PAK1: variants seen among roughly 807,000 people sequenced by gnomAD.
PAK1 encodes the protein serine/threonine-protein kinase PAK 1.
Under a neutral mutation model 67.4 loss-of-function variants are expected in PAK1, and 29 were observed. The ratio of observed to expected loss-of-function variants is 0.43; its 90% CI spans 0.32 to 0.59. The LOEUF (loss-of-function observed/expected upper bound fraction) is 0.59, where lower values mean the gene tolerates loss of function less well. Ranked by LOEUF, PAK1 falls within the 20% of genes least tolerant of loss-of-function variation. The pLI is 0.07. For missense variants in PAK1, 337 were observed against 670.7 expected (o/e 0.50, Z 5.50); for synonymous variants, 223 against 237.4 (o/e 0.94, Z 0.56).
intron 1 of PAK1, among the ~76,000 whole-genome samples, chr11:77,418,575 A>G (rs1041897204): frequency 1.3e-5 from 2 of 152,236 alleles, no homozygotes; most frequent in South Asian, 2.1e-4. Context: ...CAGTCTGCCC[A>G]TATGTTGCCA....
intron 2 of PAK1, among the ~76,000 whole-genome samples, chr11:77,381,146 T>C (rs1374954006): frequency 5.1e-5 from 7 of 136,534 alleles, no homozygotes; most frequent in Non-Finnish European, 9.6e-5. Flanking sequence ...AGAGTGTGTG[T>C]GTGTGTGTGT....
At chr11:77,413,713 AAAGG>A (rs535630670) in intron 1 of PAK1, among the ~76,000 whole-genome samples, 77 of 152,136 alleles carry the variant, frequency 5.1e-4, no homozygotes, top group Non-Finnish European at 7.8e-4. Flanking sequence ...AAAGGAAAGA[AAAGG>A]AAGGAAGGAA....
chr11:77,444,304 A>G (rs1956496442), intron 1 of PAK1, among the ~76,000 whole-genome samples: 1 of 151,460 alleles, frequency 6.6e-6, no homozygotes, highest in East Asian at 1.9e-4. Flanking sequence ...AAAAAAAAAA[A>G]ACCCGACGCC....
At chr11:77,366,366 A>G (rs1439243625) in intron 5 of PAK1, among the ~76,000 whole-genome samples, 1 of 152,246 alleles carries the variant, frequency 6.6e-6, no homozygotes, top group East Asian at 1.9e-4. Context: ...TAAAAAACAT[A>G]ATTGTATAAA....
chr11:77,372,539 T>C (rs748294511), intron 5 of PAK1, among the ~76,000 whole-genome samples: 1 of 152,206 alleles, frequency 6.6e-6, no homozygotes, highest in Non-Finnish European at 1.5e-5. Context: ...CAGTCCCCAC[T>C]GGTGGAAGCA....
intron 2 of PAK1, among the ~76,000 whole-genome samples, chr11:77,387,339 C>T (rs1386954764): frequency 6.6e-6 from 1 of 152,334 alleles, no homozygotes; most frequent in East Asian, 1.9e-4. Flanking sequence ...TCCCAAACTT[C>T]TGGGGTTACA....
intron 4 of PAK1, among the ~76,000 whole-genome samples, chr11:77,375,920 C>T (rs1291760676): frequency 2.0e-5 from 3 of 152,180 alleles, no homozygotes; most frequent in African/African-American, 7.2e-5. Flanking sequence ...TTCTTTGACA[C>T]TACAGCAAAT....
intron 1 of PAK1, among the ~76,000 whole-genome samples, chr11:77,467,065 AC>A (rs1957631670): frequency 6.6e-6 from 1 of 152,188 alleles, no homozygotes; most frequent in Admixed American, 6.5e-5. Flanking sequence ...TTCTAAGCAT[AC>A]TAAACTACAC....
At chr11:77,422,057 C>G (rs992164835) in intron 1 of PAK1, among the ~76,000 whole-genome samples, 1 of 152,088 alleles carries the variant, frequency 6.6e-6, no homozygotes, top group African/African-American at 2.4e-5. Context: ...TAAATATGGC[C>G]CTCAGAGAAG....
At chr11:77,444,745 A>C (rs1344296067) in intron 1 of PAK1, among the ~76,000 whole-genome samples, 2 of 152,224 alleles carry the variant, frequency 1.3e-5, no homozygotes, top group South Asian at 2.1e-4. Flanking sequence ...AAAACAACTA[A>C]GTAAAAAAAC....
At position 77,322,268 on chromosome 11, in the gene PAK1, C is replaced by G; in HGVS notation, c.*1006G>C. ...TCTTAAAAACGGGGTCCCCTCACAG[C>G]TGGCAGGGTATCATGTCAGGCCACC... On this transcript the variant is annotated 3_prime_UTR_variant, in exon 15 of 15. Transcript: ENST00000356341. 1 of 196,780 alleles carries G rather than the reference C, an allele frequency of 5.1e-6. No individual in the cohort carries two copies. The allele number at this position is 196,780 out of a possible 1,614,324, so 12.2% of individuals were successfully genotyped here. A position where few individuals can be genotyped will look rare whatever the true frequency, so the allele number is the denominator to read the frequency against.
chr11:77,325,465 T>A (rs1939578764), intron 14 of PAK1: 3 of 1,330,170 alleles, frequency 2.3e-6, no homozygotes, highest in African/African-American at 2.9e-5. Flanking sequence ...TATAAAGTGT[T>A]TAGTGCCTAA....
intron 9 of PAK1, chr11:77,346,989 G>A (rs891011831): frequency 2.0e-5 from 9 of 455,912 alleles, no homozygotes; most frequent in Non-Finnish European, 3.5e-5. Context: ...TGAGACACTA[G>A]GTCTGCCCTT....
intron 1 of PAK1, among the ~76,000 whole-genome samples, chr11:77,440,271 G>A (rs926321881): frequency 3.3e-5 from 5 of 152,044 alleles, no homozygotes; most frequent in African/African-American, 1.2e-4. Flanking sequence ...GCAGGGCCTC[G>A]CATCTATAAT....
rs543542173 is a variant in PAK1 at position 77,415,736 on chromosome 11, T to C, written c.-21-23195A>G. ...GTGAATGGAAAGGCCTAGGATAGTA[T>C]TGTACACTACTGTAGACTTTATAAA... On this transcript the variant is annotated intron_variant, in intron 1 of 14. Coordinates refer to ENST00000356341, the MANE Select transcript of PAK1 (RefSeq NM_002576.5). 1.4e-4 allele frequency among the ~76,000 whole-genome samples: 21 copies of C among 152,258 alleles called. 1 individual carries two copies. The South Asian group carries it at 3.9e-3, about 29-fold the overall frequency.
the PAK1 span, among the ~76,000 whole-genome samples, chr11:77,526,735 G>A: frequency 6.6e-6 from 1 of 152,134 alleles, no homozygotes; most frequent in Non-Finnish European, 1.5e-5. Context: ...GACCAACATG[G>A]TGAAACCCGG....
At chr11:77,377,921 C>T (rs953109885) in intron 4 of PAK1, among the ~76,000 whole-genome samples, 4 of 152,158 alleles carry the variant, frequency 2.6e-5, no homozygotes, top group South Asian at 2.1e-4. Context: ...ACAGACTCAG[C>T]GGGGCCAGAC....
chr11:77,485,099 A>G, the PAK1 span, among the ~76,000 whole-genome samples: 1 of 152,094 alleles, frequency 6.6e-6, no homozygotes, highest in African/African-American at 2.4e-5. Flanking sequence ...TTCCCACATC[A>G]CTTGGGAATT....
chr11:77,343,793 C>T (rs1344480657), intron 10 of PAK1, 26 bp downstream of exon 10: 1 of 1,392,558 alleles, frequency 7.2e-7, no homozygotes, highest in Non-Finnish European at 1.0e-6. Flanking sequence ...GGCCCTTTCC[C>T]TCTGATGGGA....
Sources: gnomAD v4.1 joint callset for allele counts (sites outside exome capture counted in the v4.1 genomes callset) on GRCh38, gnomAD v4.1.1 for gene constraint, MANE v1.5 for transcripts, NCBI Gene and HGNC (gene_info 2026-07-23, HGNC 2026-07-21) for gene names.